The following FKBP2 variants were observed in gnomAD, a reference collection of about 807,000 sequenced individuals.
The protein encoded by FKBP2 is FKBP prolyl isomerase 2.
Under a neutral mutation model 19.4 loss-of-function variants are expected in FKBP2, and 15 were observed. The ratio of observed to expected loss-of-function variants is 0.77; its 90% CI spans 0.52 to 1.19. The LOEUF is 1.19. Ranked by LOEUF, FKBP2 falls within the 50% of genes most tolerant of loss-of-function variation. FKBP2 has a pLI of 0.00. For synonymous variants in FKBP2, 76 were observed against 74.8 expected, an observed-to-expected ratio of 1.02 and a Z score of -0.08; for missense variants, 170 against 179.0, an observed-to-expected ratio of 0.95 and a Z score of 0.29.
chr11:64,242,511 T>C lies in FKBP2; in HGVS notation c.124T>C (p.Cys42Arg), dbSNP rs147479947. The C allele has an allele frequency of 1.3e-6, 2 of 1,554,368 alleles. No individual in the cohort carries two copies. Among genetic ancestry groups the C allele is most frequent in the Non-Finnish European group, 1.7e-6 (2 of 1,156,704 alleles). ...QIGVKKRVDH[C>R]PIKSRKGDVL... ...CGGGGTCAAGAAGCGGGTGGACCAC[T>C]GTCCCATCAAATCGCGCAAAGGGGA... Residue 42 changes from cysteine to arginine, a missense_variant, in exon 2 of 6, where the codon TGT becomes CGT. Cys to Arg is a radical substitution (Grantham distance 180, BLOSUM62 -3). Transcript: ENST00000309366.
chr11:64,243,367 A>T, intron 3 of FKBP2, 56 bp downstream of exon 3: 1 of 1,603,750 alleles, frequency 6.2e-7, no homozygotes, highest in Non-Finnish European at 8.5e-7. Flanking sequence ...ACCGCCCAGG[A>T]GGTAAGCTGT....
intron 2 of FKBP2, 39 bp downstream of exon 2, chr11:64,242,597 C>A (rs376366482): frequency 6.6e-7 from 1 of 1,517,126 alleles, no homozygotes; most frequent in South Asian, 1.3e-5. Context: ...GTGGGTGGGG[C>A]TTCCGAGGAC....
At chr11:64,241,292 G>A (rs1211150218) in intron 1 of FKBP2, 160 bp downstream of exon 1, 1 of 152,312 alleles carries the variant, frequency 6.6e-6, no homozygotes. Context: ...GCCGCAGGGG[G>A]AGGGTTCTCA....
At chr11:64,242,652 AC>A (rs2030600658) in intron 2 of FKBP2, 94 bp downstream of exon 2, 1 of 1,367,606 alleles carries the variant, frequency 7.3e-7, no homozygotes, top group Non-Finnish European at 9.7e-7. Context: ...CAGGTAGGTG[AC>A]CTTGGGCAAG....
chr11:64,242,408 G>T lies in FKBP2; in HGVS notation c.21G>T (p.Arg7=). 6.5e-7 allele frequency: 1 copy of T among 1,548,180 alleles called. No individual in the cohort carries two copies. Among genetic ancestry groups the T allele is most frequent in the Non-Finnish European group, 8.7e-7 (1 of 1,151,542 alleles). Residue 7 remains arginine, a synonymous_variant, in exon 2 of 6, where the codon CGG becomes CGT. Coordinates refer to ENST00000309366, the MANE Select transcript of FKBP2 (RefSeq NM_004470.4). The stretch of plus-strand genomic sequence containing the variant: ...GAGACATGAGGCTGAGCTGGTTCCG[G>T]GTCCTGACAGTACTGTCCATCTGCC... MRLSWF[R]VLTVLSICLS...
Position 64,243,962 on chromosome 11 carries a change from C to CA in FKBP2, c.368-6_368-5insA. The CA allele has an allele frequency of 6.2e-7, 1 of 1,614,124 alleles. No homozygotes were observed. The highest frequency in any genetic ancestry group is 2.2e-5 in the East Asian group (1 of 44,874). ...TTGGCATTTTGACTCCCCTTCTCCC[C>CA]TACAGGTGGTGCAACCCTGGTGTTC... On this transcript the variant is annotated splice_polypyrimidine_tract_variant and splice_region_variant and intron_variant, in intron 5 of 5. Transcript: ENST00000309366.
In FKBP2 at chr11:64,243,189, G is replaced by T. The variant is rs780176811; in HGVS notation, c.172-10G>T. 1.8e-5 allele frequency: 29 copies of T among 1,613,054 alleles called. No individual in the cohort carries two copies. The South Asian group carries it at 3.1e-4, about 17-fold the overall frequency. On this transcript the variant is annotated splice_polypyrimidine_tract_variant and intron_variant, in intron 2 of 5. Coordinates refer to ENST00000309366, the MANE Select transcript of FKBP2 (RefSeq NM_004470.4). ...CCCTCTTCCTCACTGGCCTTCTCAT[G>T]GTTCCACAGGGGAAGCTGGAAGATG...
rs1392163238 is a variant in FKBP2 at position 64,243,325 on chromosome 11, G to A, written c.284+14G>A. ...GGGGCTGCTGGGGTGAGTCATGGGG[G>A]AATGGGCTTGGGAGTGGGGGCGTGC... is the stretch of plus-strand genomic sequence containing the variant. On this transcript the variant is annotated intron_variant, in intron 3 of 5. Transcript: ENST00000309366. 2.5e-6 allele frequency: 4 copies of A among 1,599,816 alleles called. No homozygotes were observed. Among genetic ancestry groups the A allele is most frequent in the African/African-American group, 2.7e-5 (2 of 74,766 alleles).
chr11:64,243,720 C>T, intron 4 of FKBP2, 121 bp from the exon 5 acceptor site: 1 of 1,397,376 alleles, frequency 7.2e-7, no homozygotes, highest in South Asian at 1.2e-5. Context: ...ACCCCCTTCC[C>T]ATCTCCATTA....
chr11:64,243,749 C>T, intron 4 of FKBP2, 92 bp from the exon 5 acceptor site: 1 of 1,550,382 alleles, frequency 6.5e-7, no homozygotes, highest in Non-Finnish European at 8.9e-7. Context: ...CATTTCTGGC[C>T]TTCTTGCTGA....
chr11:64,243,638 A>G, intron 4 of FKBP2, 141 bp downstream of exon 4: 1 of 1,233,522 alleles, frequency 8.1e-7, no homozygotes, highest in Non-Finnish European at 1.2e-6. Context: ...TGTGTCTAGC[A>G]GTGAGTACAG....
chr11:64,241,563 AG>A (rs1446356795), intron 1 of FKBP2: 1 of 152,674 alleles, frequency 6.5e-6, no homozygotes, highest in Non-Finnish European at 1.5e-5. Flanking sequence ...GCTCCGGAAA[AG>A]GGGTCTAGTT....
chr11:64,243,689 T>A, intron 4 of FKBP2, 152 bp from the exon 5 acceptor site: 5 of 1,222,254 alleles, frequency 4.1e-6, no homozygotes, highest in Non-Finnish European at 5.9e-6. Flanking sequence ...GGCCCCACTC[T>A]GCCCTTGCCA....
At chr11:64,242,595 G>A in intron 2 of FKBP2, 37 bp downstream of exon 2, 1 of 1,519,998 alleles carries the variant, frequency 6.6e-7, no homozygotes, top group African/African-American at 1.5e-5. Context: ...GAGTGGGTGG[G>A]GCTTCCGAGG....
Position 64,243,347 on chromosome 11 carries a change from G to A in FKBP2, c.284+36G>A, listed in dbSNP as rs140655996. The A allele has an allele frequency of 2.7e-3, 4,290 of 1,598,006 alleles. 10 individuals carry two copies. Among genetic ancestry groups the A allele is most frequent in the Non-Finnish European group, 3.4e-3 (3,999 of 1,169,746 alleles). ...GGGGAATGGGCTTGGGAGTGGGGGCGTGCATGGCCACCGCCCAGGAGGTAA... is the reference window on the plus strand; with the variant it reads ...GGGGAATGGGCTTGGGAGTGGGGGCATGCATGGCCACCGCCCAGGAGGTAA... On this transcript the variant is annotated intron_variant, in intron 3 of 5. Transcript: ENST00000309366.
intron 2 of FKBP2, 74 bp from the exon 3 acceptor site, chr11:64,243,125 T>C: frequency 7.3e-7 from 1 of 1,377,800 alleles, no homozygotes; most frequent in East Asian, 2.3e-5. Flanking sequence ...GGCAGCTTGA[T>C]GGGGAAAGCA....
At chr11:64,243,763 G>T (rs1457543553) in intron 4 of FKBP2, 78 bp from the exon 5 acceptor site, 1 of 1,577,800 alleles carries the variant, frequency 6.3e-7, no homozygotes. Flanking sequence ...TTGCTGAGAG[G>T]GGCGGAACAC....
chr11:64,242,784 A>T (rs895875850), intron 2 of FKBP2, among the ~76,000 whole-genome samples: 37 of 152,116 alleles, frequency 2.4e-4, no homozygotes, highest in Admixed American at 2.4e-3. Context: ...CCTCTTAAAG[A>T]ACTATGACCA....
At position 64,243,302 on chromosome 11, in the gene FKBP2, G is replaced by A; in HGVS notation, c.275G>A (p.Gly92Glu). ...CAGGTCATCAAGGGCTGGGACCAGG[G>A]GCTGCTGGGGTGAGTCATGGGGGAA... ...TGQVIKGWDQ[G>E]LLGMCEGEKR... is the part of the protein sequence containing the mutation. The change falls in exon 3 of 6, where the codon GGG (glycine) becomes GAG (glutamate). Residue 92 changes from glycine (G) to glutamate (E), a missense_variant. Transcript: ENST00000309366. The A allele has an allele frequency of 6.2e-7, 1 of 1,604,104 alleles. No individual in the cohort carries two copies. Among genetic ancestry groups the A allele is most frequent in the Non-Finnish European group, 8.5e-7 (1 of 1,174,132 alleles).
Sources: allele counts gnomAD v4.1 joint callset (sites outside exome capture counted in the v4.1 genomes callset), GRCh38; gene constraint gnomAD v4.1.1; transcripts MANE v1.5; gene names NCBI Gene and HGNC (gene_info 2026-07-23, HGNC 2026-07-21).